Variants in RYR2 observed in about 807,000 individuals in gnomAD.
RYR2 encodes cardiac muscle ryanodine receptor-calcium release channel.
RYR2 carries 227 observed loss-of-function variants against 601.1 expected under a neutral mutation model. The observed-to-expected ratio is 0.38, with a 90% CI of 0.34 to 0.42. The LOEUF (loss-of-function observed/expected upper bound fraction) is 0.42, where lower values mean the gene tolerates loss of function less well. RYR2 is among the 10% of genes least tolerant of loss of function. The probability of loss-of-function intolerance (pLI) is 1.00; values close to 1 mark genes in which losing one functional copy is unlikely to be tolerated. For missense variants in RYR2, 4,646 were observed against 6,156.5 expected (o/e 0.75, Z 8.21); for synonymous variants, 2,223 against 2,175.1 (o/e 1.02, Z -0.61).
At chr1:237,484,294 T>A (rs964130405) in intron 17 of RYR2, among the ~76,000 whole-genome samples, 14 of 152,184 alleles carry the variant, frequency 9.2e-5, no homozygotes, top group Non-Finnish European at 2.9e-5. Flanking sequence ...TACATCTTGG[T>A]GTTCTGGGAT....
intron 1 of RYR2, 121 bp from the exon 2 acceptor site, chr1:237,270,376 G>T: frequency 7.2e-7 from 1 of 1,398,416 alleles, no homozygotes; most frequent in Middle Eastern, 1.8e-4. Context: ...TTTGACAGTA[G>T]TTTTTACATT....
intron 3 of RYR2, among the ~76,000 whole-genome samples, chr1:237,338,394 T>C (rs2491323): frequency 3.9e-5 from 6 of 152,068 alleles, no homozygotes; most frequent in African/African-American, 1.4e-4. Flanking sequence ...ATCACATGAT[T>C]TAGAATTTAA....
At chr1:237,073,967 A>G (rs1469891494) in intron 1 of RYR2, among the ~76,000 whole-genome samples, 1 of 151,628 alleles carries the variant, frequency 6.6e-6, no homozygotes, top group Admixed American at 6.6e-5. Context: ...AATTAATTTC[A>G]CCTTTTCCTT....
At chr1:237,135,766 T>A (rs1234575629) in intron 1 of RYR2, among the ~76,000 whole-genome samples, 1 of 152,240 alleles carries the variant, frequency 6.6e-6, no homozygotes, top group East Asian at 1.9e-4. Context: ...TTGTCTTTTG[T>A]ACAGCTTTTG....
chr1:237,288,352 G>T (rs752118636), intron 2 of RYR2, among the ~76,000 whole-genome samples: 1 of 152,144 alleles, frequency 6.6e-6, no homozygotes, highest in South Asian at 2.1e-4. Context: ...AGGAACTGGC[G>T]GTGGGCAGGG....
chr1:237,664,438 A>G (rs911121826), intron 56 of RYR2, among the ~76,000 whole-genome samples: 7 of 152,240 alleles, frequency 4.6e-5, no homozygotes, highest in African/African-American at 1.4e-4. Context: ...AAGAGGTTCA[A>G]TGGACTCACA....
At chr1:237,626,553 CTTTCT>C (rs1180783617) in intron 40 of RYR2, among the ~76,000 whole-genome samples, 13 of 51,976 alleles carry the variant, frequency 2.5e-4, no homozygotes, top group African/African-American at 6.0e-4. Context: ...TTCAGTGTTT[CTTTCT>C]TTTCTTTTTC....
At chr1:237,386,774 G>A (rs1443307212) in intron 8 of RYR2, among the ~76,000 whole-genome samples, 1 of 152,074 alleles carries the variant, frequency 6.6e-6, no homozygotes, top group African/African-American at 2.4e-5. Flanking sequence ...AGGAAATATC[G>A]CCATCTAATG....
chr1:237,572,098 C>T (rs1001744930), intron 29 of RYR2, among the ~76,000 whole-genome samples: 2 of 151,982 alleles, frequency 1.3e-5, no homozygotes, highest in African/African-American at 2.4e-5. Flanking sequence ...CACTTATCTC[C>T]GGGTGGTGAA....
At chr1:237,258,996 T>C (rs1010759926) in intron 1 of RYR2, among the ~76,000 whole-genome samples, 4 of 151,960 alleles carry the variant, frequency 2.6e-5, no homozygotes, top group African/African-American at 7.2e-5. Flanking sequence ...CTCTGACTGA[T>C]GGAAATAAAG....
At chr1:237,246,150 C>T (rs1315403117) in intron 1 of RYR2, among the ~76,000 whole-genome samples, 6 of 149,684 alleles carry the variant, frequency 4.0e-5, no homozygotes, top group East Asian at 2.0e-4. Flanking sequence ...AGCTGGAGTG[C>T]GGTGGCACAA....
intron 96 of RYR2, 141 bp from the exon 97 acceptor site, chr1:237,797,896 G>A (rs1659446288): frequency 1.4e-6 from 1 of 704,078 alleles, no homozygotes; most frequent in Non-Finnish European, 2.3e-6. Flanking sequence ...GATCACAGAA[G>A]GTGAGCCACA....
chr1:237,524,179 T>C (rs529489756), intron 24 of RYR2, among the ~76,000 whole-genome samples: 4 of 152,256 alleles, frequency 2.6e-5, no homozygotes, highest in Admixed American at 6.5e-5. Flanking sequence ...AACTAAGGAA[T>C]AGATAAAATG....
chr1:237,786,978 A>AAT (rs1657667121), intron 91 of RYR2, among the ~76,000 whole-genome samples: 1 of 152,144 alleles, frequency 6.6e-6, no homozygotes. Context: ...TTCTTTAACT[A>AAT]ATATATACCT....
chr1:237,783,316 C>T (rs1264165820), intron 89 of RYR2, among the ~76,000 whole-genome samples: 1 of 151,948 alleles, frequency 6.6e-6, no homozygotes. Context: ...GATTTTTCAA[C>T]TCTAAAGGGC....
At chr1:237,747,512 A>G (rs985111958) in intron 80 of RYR2, among the ~76,000 whole-genome samples, 2 of 152,222 alleles carry the variant, frequency 1.3e-5, no homozygotes, top group African/African-American at 4.8e-5. Context: ...GAACCAATTT[A>G]GGTCCAAAAT....
At chr1:237,326,219 TCTAAGA>T (rs1342281353) in intron 2 of RYR2, among the ~76,000 whole-genome samples, 1 of 151,830 alleles carries the variant, frequency 6.6e-6, no homozygotes, top group Non-Finnish European at 1.5e-5. Context: ...TTTTTCCCCC[TCTAAGA>T]CTATACAGTG....
At chr1:237,265,848 T>G (rs1689010847) in intron 1 of RYR2, among the ~76,000 whole-genome samples, 1 of 152,202 alleles carries the variant, frequency 6.6e-6, no homozygotes, top group African/African-American at 2.4e-5. Context: ...GGAAAAGTGT[T>G]GATGGAGTAG....
intron 10 of RYR2, among the ~76,000 whole-genome samples, chr1:237,394,003 T>A (rs1348737254): frequency 6.6e-6 from 1 of 152,260 alleles, no homozygotes. Context: ...GCATTTAGAG[T>A]ATATGAATAG....
Sources: gnomAD v4.1 joint callset for allele counts (sites outside exome capture counted in the v4.1 genomes callset) on GRCh38, gnomAD v4.1.1 for gene constraint, MANE v1.5 for transcripts, NCBI Gene and HGNC (gene_info 2026-07-23, HGNC 2026-07-21) for gene names.